TMEM117: variants seen among roughly 807,000 people sequenced by gnomAD.
The protein encoded by TMEM117 is transmembrane protein 117.
In TMEM117, 27 loss-of-function variants were observed where a neutral mutation model predicts 52.4. The observed-to-expected ratio is 0.51, with a 90% confidence interval of 0.38 to 0.71. The LOEUF is 0.71. Among genes scored for constraint, TMEM117 ranks in the 30% least tolerant of loss-of-function variants. The pLI, the probability that TMEM117 is intolerant of heterozygous loss-of-function variation, is 0.00. For missense variants in TMEM117, 556 were observed against 630.5 expected (o/e 0.88, Z 1.26); for synonymous variants, 215 against 206.3 (o/e 1.04, Z -0.36).
chr12:43,913,822 A>G (rs923263258), intron 2 of TMEM117, among the ~76,000 whole-genome samples: 1 of 152,218 alleles, frequency 6.6e-6, no homozygotes, highest in Admixed American at 6.5e-5. Flanking sequence ...TCATCATGGC[A>G]GAATATAAGA....
At chr12:44,185,470 A>C (rs561252615) in intron 4 of TMEM117, among the ~76,000 whole-genome samples, 1 of 152,338 alleles carries the variant, frequency 6.6e-6, no homozygotes, top group African/African-American at 2.4e-5. Context: ...CTAGTCTATA[A>C]AAAGCAGAAC....
chr12:43,997,092 A>G (rs1460077111), intron 3 of TMEM117, among the ~76,000 whole-genome samples: 3 of 152,216 alleles, frequency 2.0e-5, no homozygotes, highest in Non-Finnish European at 4.4e-5. Context: ...ATGTTCTAAT[A>G]CATTTGCTTT....
intron 6 of TMEM117, among the ~76,000 whole-genome samples, chr12:44,329,302 A>AAC (rs1374811150): frequency 6.6e-6 from 1 of 152,084 alleles, no homozygotes; most frequent in Admixed American, 6.6e-5. Context: ...TGCCCCACTA[A>AAC]ACACACACAC....
chr12:44,175,882 T>C (rs1294961455), intron 4 of TMEM117, among the ~76,000 whole-genome samples: 3 of 152,142 alleles, frequency 2.0e-5, no homozygotes, highest in Admixed American at 6.5e-5. Context: ...TTGAAATGAA[T>C]GAATGGTTTT....
intron 5 of TMEM117, among the ~76,000 whole-genome samples, chr12:44,293,376 A>C (rs1333066097): frequency 6.6e-6 from 1 of 152,052 alleles, no homozygotes; most frequent in Non-Finnish European, 1.5e-5. Context: ...TTTTGAATCT[A>C]TTCAGCCACT....
chr12:43,916,175 G>C (rs1299534206), intron 2 of TMEM117, among the ~76,000 whole-genome samples: 1 of 152,168 alleles, frequency 6.6e-6, no homozygotes, highest in Non-Finnish European at 1.5e-5. Context: ...GGAGAGAGGG[G>C]AGGGATTCCC....
intron 6 of TMEM117, among the ~76,000 whole-genome samples, chr12:44,361,920 A>G (rs929265079): frequency 6.6e-6 from 1 of 152,156 alleles, no homozygotes; most frequent in Non-Finnish European, 1.5e-5. Flanking sequence ...ACTGTGCTCT[A>G]AAAAGTCAGA....
the TMEM117 span, among the ~76,000 whole-genome samples, chr12:43,824,554 G>T: frequency 2.0e-5 from 3 of 152,192 alleles, no homozygotes; most frequent in Admixed American, 2.0e-4. Flanking sequence ...CCAAACCATT[G>T]TCATGCTTGC....
intron 3 of TMEM117, among the ~76,000 whole-genome samples, chr12:43,960,684 A>G (rs990495281): frequency 6.6e-6 from 1 of 152,126 alleles, no homozygotes; most frequent in Non-Finnish European, 1.5e-5. Flanking sequence ...TAAATATTTT[A>G]TCAGCTTGTT....
intron 4 of TMEM117, among the ~76,000 whole-genome samples, chr12:44,181,947 T>C (rs1949206481): frequency 6.6e-6 from 1 of 152,146 alleles, no homozygotes; most frequent in Non-Finnish European, 1.5e-5. Context: ...CCTTGGGCAG[T>C]ATGGCCATTT....
intron 5 of TMEM117, among the ~76,000 whole-genome samples, chr12:44,276,997 T>C (rs1950521754): frequency 6.6e-6 from 1 of 151,974 alleles, no homozygotes; most frequent in Admixed American, 6.6e-5. Flanking sequence ...AGAAATTGCA[T>C]TTAGATATTA....
intron 5 of TMEM117, among the ~76,000 whole-genome samples, chr12:44,212,415 A>G (rs1949658438): frequency 6.6e-6 from 1 of 152,200 alleles, no homozygotes; most frequent in South Asian, 2.1e-4. Flanking sequence ...GCACAAGAGT[A>G]TTGATGCTGG....
chr12:43,918,870 C>T (rs1944647796), intron 2 of TMEM117, among the ~76,000 whole-genome samples: 1 of 152,220 alleles, frequency 6.6e-6, no homozygotes. Context: ...ATTCTCTAAT[C>T]TCTGTACAAT....
intron 3 of TMEM117, among the ~76,000 whole-genome samples, chr12:44,091,632 G>T (rs1021302824): frequency 8.5e-5 from 13 of 152,146 alleles, no homozygotes; most frequent in Non-Finnish European, 1.6e-4. Context: ...AGGTCAGAAG[G>T]GGGGAATATT....
chr12:43,843,940 T>G (rs1197246384), intron 1 of TMEM117, among the ~76,000 whole-genome samples: 1 of 152,246 alleles, frequency 6.6e-6, no homozygotes, highest in African/African-American at 2.4e-5. Context: ...TCATAAGCAA[T>G]CATAACTCTG....
At chr12:44,233,503 GT>G (rs1401649030) in intron 5 of TMEM117, among the ~76,000 whole-genome samples, 3 of 150,918 alleles carry the variant, frequency 2.0e-5, no homozygotes, top group Non-Finnish European at 4.5e-5. Context: ...TCATGGTCAC[GT>G]TTAATTACTT....
chr12:43,993,995 AAG>A (rs1444577982), intron 3 of TMEM117, among the ~76,000 whole-genome samples: 1 of 152,090 alleles, frequency 6.6e-6, no homozygotes, highest in Non-Finnish European at 1.5e-5. Flanking sequence ...GTGTCTGGAC[AAG>A]ATTTTTATTT....
chr12:43,950,070 G>A lies in TMEM117; in HGVS notation c.410+5728G>A, dbSNP rs544694736. 2.2e-3 allele frequency among the ~76,000 whole-genome samples: 338 copies of A among 152,118 alleles called. 2 individuals are homozygous for A. Among genetic ancestry groups the A allele is most frequent in the African/African-American group, 7.5e-3 (310 of 41,498 alleles). On this transcript the variant is annotated intron_variant, in intron 3 of 7. Coordinates refer to ENST00000266534, the MANE Select transcript of TMEM117 (RefSeq NM_032256.3). ...ATTTATCAAGGGCTTTTCTTTTAGT[G>A]AAAAAAATCATATTGATGCATTTTC...
chr12:43,956,694 T>C (rs1162465160), intron 3 of TMEM117, among the ~76,000 whole-genome samples: 2 of 152,176 alleles, frequency 1.3e-5, no homozygotes, highest in African/African-American at 4.8e-5. Flanking sequence ...GAAACACTTT[T>C]ACACTGTTGG....
Sources: allele counts gnomAD v4.1 joint callset (sites outside exome capture counted in the v4.1 genomes callset), GRCh38; gene constraint gnomAD v4.1.1; transcripts MANE v1.5; gene names NCBI Gene and HGNC (gene_info 2026-07-23, HGNC 2026-07-21).